Variants in PGM1 observed in about 807,000 individuals in gnomAD.
PGM1 encodes the protein phosphoglucomutase-1.
Under a neutral mutation model 55.6 loss-of-function variants are expected in PGM1, and 52 were observed. The ratio of observed to expected loss-of-function variants is 0.94; its 90% confidence interval spans 0.75 to 1.18. The LOEUF is 1.18. PGM1 is among the 50% of genes most tolerant of loss of function. The pLI, the probability that PGM1 is intolerant of heterozygous loss-of-function variation, is 0.00. For synonymous variants in PGM1, 287 were observed against 271.7 expected (o/e 1.06, Z -0.55); for missense variants, 724 against 729.3 (o/e 0.99, Z 0.08).
intron 1 of PGM1, among the ~76,000 whole-genome samples, chr1:63,616,669 G>A (rs915233664): frequency 2.6e-5 from 4 of 152,022 alleles, no homozygotes; most frequent in African/African-American, 7.3e-5. Context: ...GCCAACTGAC[G>A]CGTGCTAAAG....
chr1:63,628,569 G>C (rs759407454), intron 1 of PGM1, among the ~76,000 whole-genome samples: 1 of 152,076 alleles, frequency 6.6e-6, no homozygotes, highest in African/African-American at 2.4e-5. Flanking sequence ...AATAACAAAT[G>C]GAAAATGTAA....
At chr1:63,597,657 T>C (rs1300597779) in intron 1 of PGM1, among the ~76,000 whole-genome samples, 1 of 152,214 alleles carries the variant, frequency 6.6e-6, no homozygotes, top group Non-Finnish European at 1.5e-5. Flanking sequence ...CCCATGTTAC[T>C]GAAAAGTCCA....
intron 7 of PGM1, among the ~76,000 whole-genome samples, chr1:63,640,715 A>G (rs1649492963): frequency 6.6e-6 from 1 of 152,188 alleles, no homozygotes; most frequent in Non-Finnish European, 1.5e-5. Flanking sequence ...CCTCTTACAC[A>G]ACAGGCCTTC....
intron 1 of PGM1, among the ~76,000 whole-genome samples, chr1:63,616,697 G>T (rs534692461): frequency 7.2e-6 from 1 of 138,400 alleles, no homozygotes; most frequent in African/African-American, 3.5e-5. Flanking sequence ...ACTCTCTGAG[G>T]CAGAGGCAGC....
intron 7 of PGM1, among the ~76,000 whole-genome samples, chr1:63,641,831 A>G (rs113441763): frequency 1.5e-3 from 225 of 152,342 alleles, no homozygotes; most frequent in African/African-American, 5.2e-3. Flanking sequence ...AGAGCCCAGC[A>G]TAGAACAGGT....
rs545238246 is a variant in PGM1 at position 63,633,766 on chromosome 1, C to T, written c.683-1063C>T. Reference sequence around the variant, plus strand: ...CACTGTAACCTCCGCCTCCGAAGTTCAAGCGATTCTCCTGCCTCAGCCTCC... The same window carrying T: ...CACTGTAACCTCCGCCTCCGAAGTTTAAGCGATTCTCCTGCCTCAGCCTCC... On this transcript the variant is annotated intron_variant, in intron 4 of 10. Transcript: ENST00000371084. Among the ~76,000 whole-genome samples the T allele has an allele frequency of 8.3e-4, 126 of 150,974 alleles. 2 individuals carry two copies. Among genetic ancestry groups the T allele is most frequent in the African/African-American group, 2.9e-3 (119 of 41,196 alleles).
intron 3 of PGM1, among the ~76,000 whole-genome samples, chr1:63,631,100 A>G (rs1199545932): frequency 6.6e-6 from 1 of 152,204 alleles, no homozygotes; most frequent in Non-Finnish European, 1.5e-5. Context: ...GAACAACAAT[A>G]CTAAGTTCTT....
At chr1:63,596,667 G>A (rs1005496138) in intron 1 of PGM1, among the ~76,000 whole-genome samples, 1 of 151,988 alleles carries the variant, frequency 6.6e-6, no homozygotes, top group Non-Finnish European at 1.5e-5. Context: ...CAGTCCAGAT[G>A]GCATCTTCAG....
chr1:63,654,238 G>A, intron 9 of PGM1, 94 bp from the exon 10 acceptor site: 1 of 1,251,208 alleles, frequency 8.0e-7, no homozygotes, highest in Non-Finnish European at 1.2e-6. Context: ...GAACAAGTAT[G>A]GATGAAATTA....
chr1:63,648,596 T>C lies in PGM1; in HGVS notation c.1224T>C (p.Ser408=), dbSNP rs1180638664. ...CCATCCTAGCCACCCGCAAGCAGAG[T>C]GTGGAGGACATTCTCAAAGATCATT... ...WLSILATRKQ[S]VEDILKDHWQ... Residue 408 remains serine (S), a synonymous_variant, in exon 8 of 11, where the codon AGT becomes AGC. Transcript: ENST00000371084. 4.3e-6 allele frequency: 7 copies of C among 1,613,842 alleles called. No homozygotes were observed. The highest frequency in any genetic ancestry group is 5.9e-6 in the Non-Finnish European group (7 of 1,179,888).
At chr1:63,598,652 A>C (rs1431983356) in intron 1 of PGM1, among the ~76,000 whole-genome samples, 1 of 152,220 alleles carries the variant, frequency 6.6e-6, no homozygotes, top group Non-Finnish European at 1.5e-5. Flanking sequence ...GTTAGATGTT[A>C]GTGAAAATAA....
At position 63,620,399 on chromosome 1, in the gene PGM1, T is replaced by A. The variant is rs1473182404; in HGVS notation, c.247-9026T>A. Among the ~76,000 whole-genome samples, 3 of 152,298 alleles carry A rather than the reference T, an allele frequency of 2.0e-5. No individual in the cohort carries two copies. The East Asian group carries it at 5.8e-4, about 29-fold the overall frequency. ...TTGGGCTGGAGTGTCTGATTAACCC[T>A]GCTGCTTTAAGCCAAATTTCTGCCT... On this transcript the variant is annotated intron_variant, in intron 1 of 10. Coordinates refer to ENST00000371084, the MANE Select transcript of PGM1 (RefSeq NM_002633.3).
chr1:63,619,772 C>G (rs1164438850), intron 1 of PGM1, among the ~76,000 whole-genome samples: 1 of 152,158 alleles, frequency 6.6e-6, no homozygotes, highest in Non-Finnish European at 1.5e-5. Flanking sequence ...CAGGATAGCA[C>G]CAAGGCCATC....
At chr1:63,619,960 G>A (rs1460161265) in intron 1 of PGM1, among the ~76,000 whole-genome samples, 1 of 152,204 alleles carries the variant, frequency 6.6e-6, no homozygotes, top group Non-Finnish European at 1.5e-5. Context: ...AAAACCTTGG[G>A]AGAGAGGTAT....
At chr1:63,632,584 G>T (rs1405980107) in intron 4 of PGM1, among the ~76,000 whole-genome samples, 1 of 152,184 alleles carries the variant, frequency 6.6e-6, no homozygotes. Flanking sequence ...AGACAAAAGC[G>T]ATTCTGTCAT....
At chr1:63,633,971 AG>A (rs1649293594) in intron 4 of PGM1, among the ~76,000 whole-genome samples, 1 of 106,818 alleles carries the variant, frequency 9.4e-6, no homozygotes, top group African/African-American at 4.0e-5. Flanking sequence ...TAGTAGAGAC[AG>A]GGTCTCACCA....
chr1:63,636,340 G>A lies in PGM1; in HGVS notation c.980G>A (p.Gly327Glu). The A allele has an allele frequency of 6.2e-7, 1 of 1,614,096 alleles. No individual in the cohort carries two copies. Among genetic ancestry groups the A allele is most frequent in the Non-Finnish European group, 8.5e-7 (1 of 1,179,990 alleles). Residue 327 changes from glycine (G) to glutamate (E), a missense_variant, in exon 6 of 11, where the codon GGG (glycine) becomes GAG (glutamate). Transcript: ENST00000371084. The stretch of plus-strand genomic sequence containing the variant: ...AGCATTCCGTATTTCCAGCAGACTG[G>A]GGTCCGCGGCTTTGCACGGAGCATG... ...IFSIPYFQQTGVRGFARSMPT... is the reference protein window; with the variant it reads ...IFSIPYFQQTEVRGFARSMPT...
rs1042735768 is a variant in PGM1, at chr1:63,629,498, A to C, written c.320A>C (p.Lys107Thr). 3 of 1,613,728 alleles carry C rather than the reference A, an allele frequency of 1.9e-6. No homozygotes were observed. The African/African-American group carries it at 4.0e-5, about 22-fold the overall frequency. Reference sequence around the variant, plus strand: ...GTATCCTGCATCATTAGAAAAATCAAAGCCATTGGTGGGATCATTCTGACA... The same window carrying C: ...GTATCCTGCATCATTAGAAAAATCACAGCCATTGGTGGGATCATTCTGACA... ...PAVSCIIRKIKAIGGIILTAS... is the reference protein window; with the variant it reads ...PAVSCIIRKITAIGGIILTAS... Residue 107 changes from lysine (K) to threonine (T), a missense_variant, in exon 2 of 11, where the codon AAA becomes ACA. This residue lies in a region of PGM1 where 379 missense variants were observed against 357.5 expected (regional missense o/e 1.06). Coordinates refer to ENST00000371084, the MANE Select transcript of PGM1 (RefSeq NM_002633.3).
intron 4 of PGM1, among the ~76,000 whole-genome samples, chr1:63,632,971 G>A (rs989587403): frequency 2.0e-4 from 31 of 152,088 alleles, no homozygotes; most frequent in East Asian, 5.8e-4. Flanking sequence ...TGTAGTGAGC[G>A]GAGATCACAC....
Sources: gnomAD v4.1 joint callset for allele counts (sites outside exome capture counted in the v4.1 genomes callset) on GRCh38, gnomAD v4.1.1 for gene constraint, gnomAD v4.1.1 regional missense constraint, MANE v1.5 for transcripts, NCBI Gene and HGNC (gene_info 2026-07-23, HGNC 2026-07-21) for gene names.